Variants in TMEM108 observed in about 807,000 individuals in gnomAD.
The protein encoded by TMEM108 is transmembrane protein 108.
In TMEM108, 12 loss-of-function variants were observed where a neutral mutation model predicts 35.1. That is an observed-to-expected ratio of 0.34 (90% CI 0.22 to 0.55). TMEM108 has a LOEUF of 0.55. Ranked by LOEUF, TMEM108 falls within the 20% of genes least tolerant of loss-of-function variation. The pLI, the probability that TMEM108 is intolerant of heterozygous loss-of-function variation, is 0.89. For missense variants in TMEM108, 680 were observed against 753.3 expected, an observed-to-expected ratio of 0.90 and a Z score of 1.14; for synonymous variants, 287 against 308.6, an observed-to-expected ratio of 0.93 and a Z score of 0.73.
chr3:133,106,248 T>C (rs1944151943), intron 2 of TMEM108, among the ~76,000 whole-genome samples: 1 of 150,656 alleles, frequency 6.6e-6, no homozygotes, highest in Non-Finnish European at 1.5e-5. Flanking sequence ...GTATTTGTAG[T>C]CTACAATGTA....
At chr3:133,109,188 T>A (rs73860838) in intron 2 of TMEM108, among the ~76,000 whole-genome samples, 5,325 of 152,178 alleles carry the variant, frequency 0.035, 310 homozygotes, top group African/African-American at 0.12. Context: ...CTAGCTGTGT[T>A]ATTTTGGGCA....
chr3:133,358,499 G>A (rs139024705), intron 3 of TMEM108, among the ~76,000 whole-genome samples: 229 of 152,184 alleles, frequency 1.5e-3, no homozygotes, highest in African/African-American at 5.2e-3. Flanking sequence ...TGGAGATGCT[G>A]AAGCCCAAGC....
chr3:133,111,978 C>A (rs1467510837), intron 2 of TMEM108, among the ~76,000 whole-genome samples: 1 of 152,164 alleles, frequency 6.6e-6, no homozygotes, highest in African/African-American at 2.4e-5. Context: ...TGTTGGAAAA[C>A]AAGAACAAAC....
intron 3 of TMEM108, among the ~76,000 whole-genome samples, chr3:133,320,809 A>G (rs2071258369): frequency 6.6e-6 from 1 of 152,198 alleles, no homozygotes; most frequent in Non-Finnish European, 1.5e-5. Flanking sequence ...TATTAGATTA[A>G]CGGCACATTT....
intron 2 of TMEM108, among the ~76,000 whole-genome samples, chr3:133,151,045 C>A (rs1357389408): frequency 6.6e-6 from 1 of 152,016 alleles, no homozygotes; most frequent in Admixed American, 6.6e-5. Context: ...TACCTGCTAC[C>A]CCCTCTTCCA....
intron 2 of TMEM108, among the ~76,000 whole-genome samples, chr3:133,210,681 A>C (rs1482000873): frequency 2.0e-5 from 3 of 152,236 alleles, no homozygotes; most frequent in African/African-American, 7.2e-5. Flanking sequence ...CATAAAGATA[A>C]AACTCATTCA....
intron 2 of TMEM108, among the ~76,000 whole-genome samples, chr3:133,174,953 A>G (rs1036175750): frequency 2.0e-5 from 3 of 152,216 alleles, no homozygotes; most frequent in Admixed American, 6.5e-5. Flanking sequence ...ATGGATAACT[A>G]GAATAACCAA....
intron 2 of TMEM108, among the ~76,000 whole-genome samples, chr3:133,196,115 C>A (rs1237601201): frequency 3.3e-5 from 5 of 152,320 alleles, no homozygotes; most frequent in African/African-American, 1.2e-4. Flanking sequence ...TCCTTGTCAT[C>A]TTCTCATTGT....
chr3:133,117,067 G>A (rs1250410991), intron 2 of TMEM108, among the ~76,000 whole-genome samples: 1 of 152,204 alleles, frequency 6.6e-6, no homozygotes, highest in East Asian at 1.9e-4. Context: ...GCCGCACCCG[G>A]CCTGATTTAC....
intron 2 of TMEM108, among the ~76,000 whole-genome samples, chr3:133,207,937 T>A (rs1170695899): frequency 6.6e-6 from 1 of 152,220 alleles, no homozygotes; most frequent in Admixed American, 6.5e-5. Flanking sequence ...GGTGAACTAA[T>A]AAATTATAGC....
chr3:133,367,897 G>T (rs149335583), intron 3 of TMEM108, among the ~76,000 whole-genome samples: 71 of 152,322 alleles, frequency 4.7e-4, no homozygotes, highest in African/African-American at 1.7e-3. Context: ...CAGCATGCCT[G>T]GGAGGATGTC....
At chr3:133,111,117 T>C (rs1944219093) in intron 2 of TMEM108, among the ~76,000 whole-genome samples, 1 of 152,162 alleles carries the variant, frequency 6.6e-6, no homozygotes, top group South Asian at 2.1e-4. Flanking sequence ...ACAACCAAGA[T>C]TGTGTCTGAA....
intron 2 of TMEM108, among the ~76,000 whole-genome samples, chr3:133,100,224 G>A (rs1944070293): frequency 6.6e-6 from 1 of 152,166 alleles, no homozygotes. Context: ...GAATAGCAGG[G>A]GAAAGATTGG....
intron 4 of TMEM108, chr3:133,388,869 G>A (rs2073191772): frequency 1.0e-6 from 1 of 985,870 alleles, no homozygotes; most frequent in Non-Finnish European, 1.2e-6. Context: ...CCCTGATGCT[G>A]GCCAGACCCT....
chr3:133,092,551 C>T (rs1175262757), intron 2 of TMEM108, among the ~76,000 whole-genome samples: 1 of 152,020 alleles, frequency 6.6e-6, no homozygotes, highest in Non-Finnish European at 1.5e-5. Flanking sequence ...TGATTTTTAA[C>T]CCTGTTTTTA....
At chr3:133,132,418 A>G (rs1189491706) in intron 2 of TMEM108, among the ~76,000 whole-genome samples, 1 of 152,152 alleles carries the variant, frequency 6.6e-6, no homozygotes, top group Non-Finnish European at 1.5e-5. Context: ...ATGCTAAACT[A>G]TTATTGCCTG....
intron 2 of TMEM108, chr3:133,074,316 T>C (rs1271165298): frequency 6.6e-6 from 1 of 152,180 alleles, no homozygotes; most frequent in Non-Finnish European, 1.5e-5. Flanking sequence ...CATGTACAGA[T>C]GCTTTTCAAC....
At chr3:133,072,336 G>A (rs1170614374) in intron 2 of TMEM108, among the ~76,000 whole-genome samples, 2 of 152,064 alleles carry the variant, frequency 1.3e-5, no homozygotes, top group African/African-American at 2.4e-5. Flanking sequence ...AACCTGTCAA[G>A]TAAAATATGT....
chr3:133,178,376 G>A (rs940080974), intron 2 of TMEM108, among the ~76,000 whole-genome samples: 1 of 152,174 alleles, frequency 6.6e-6, no homozygotes, highest in Non-Finnish European at 1.5e-5. Context: ...AAAGAACAAA[G>A]CTGGAGGCAT....
Sources: gnomAD v4.1 joint callset for allele counts (sites outside exome capture counted in the v4.1 genomes callset) on GRCh38, gnomAD v4.1.1 for gene constraint, MANE v1.5 for transcripts, NCBI Gene and HGNC (gene_info 2026-07-23, HGNC 2026-07-21) for gene names.